Variants in DNER observed in about 807,000 individuals in gnomAD.
The protein encoded by DNER is delta and Notch-like epidermal growth factor-related receptor.
DNER carries 33 observed loss-of-function variants against 78.2 expected under a neutral mutation model. That is an observed-to-expected ratio of 0.42 (90% CI 0.32 to 0.56). The LOEUF (loss-of-function observed/expected upper bound fraction) is 0.56, where lower values mean the gene tolerates loss of function less well. Among genes scored for constraint, DNER ranks in the 20% least tolerant of loss-of-function variants. The probability of loss-of-function intolerance (pLI) is 0.11; values close to 1 mark genes in which losing one functional copy is unlikely to be tolerated. For synonymous variants in DNER, 417 were observed against 384.8 expected (o/e 1.08, Z -0.98); for missense variants, 918 against 975.3 (o/e 0.94, Z 0.78).
chr2:229,563,399 T>C (rs1366446702), intron 4 of DNER, among the ~76,000 whole-genome samples: 1 of 148,688 alleles, frequency 6.7e-6, no homozygotes, highest in East Asian at 2.0e-4. Context: ...ACCATCATCA[T>C]CATCACCCCA....
chr2:229,424,085 C>T (rs1056319286), intron 8 of DNER, among the ~76,000 whole-genome samples: 3 of 152,212 alleles, frequency 2.0e-5, no homozygotes, highest in African/African-American at 4.8e-5. Context: ...TCAATTGATT[C>T]GATGCACTTT....
chr2:229,406,817 T>C (rs912043203), intron 10 of DNER, among the ~76,000 whole-genome samples: 1 of 114,526 alleles, frequency 8.7e-6, no homozygotes, highest in Non-Finnish European at 1.9e-5. Context: ...CACTCTCCCT[T>C]GACACTTTTA....
At chr2:229,572,803 A>G (rs917888442) in intron 4 of DNER, among the ~76,000 whole-genome samples, 1 of 152,216 alleles carries the variant, frequency 6.6e-6, no homozygotes, top group Non-Finnish European at 1.5e-5. Context: ...CCTCAAAAAG[A>G]TGAGTAAACA....
At chr2:229,382,620 T>C (rs1308135412) in intron 11 of DNER, among the ~76,000 whole-genome samples, 1 of 151,884 alleles carries the variant, frequency 6.6e-6, no homozygotes, top group African/African-American at 2.4e-5. Context: ...TTGTGAAGCA[T>C]ACACAAGTAT....
chr2:229,656,985 C>CGTATGTGT (rs1553549164), intron 1 of DNER, among the ~76,000 whole-genome samples: 11 of 148,726 alleles, frequency 7.4e-5, no homozygotes, highest in Non-Finnish European at 1.3e-4. Flanking sequence ...ACAGTTACCA[C>CGTATGTGT]GTGTGTGTGT....
intron 1 of DNER, among the ~76,000 whole-genome samples, chr2:229,641,862 C>T (rs934978516): frequency 2.6e-5 from 4 of 152,022 alleles, no homozygotes; most frequent in Admixed American, 2.6e-4. Context: ...TTCTCAGCTC[C>T]CTCTGGTGGA....
intron 2 of DNER, among the ~76,000 whole-genome samples, chr2:229,590,587 A>G (rs1471243623): frequency 6.6e-6 from 1 of 152,162 alleles, no homozygotes; most frequent in African/African-American, 2.4e-5. Context: ...AGGTGGTTAG[A>G]TCAGCAGGGC....
intron 4 of DNER, among the ~76,000 whole-genome samples, chr2:229,583,331 C>T (rs1382483521): frequency 1.3e-5 from 2 of 152,210 alleles, no homozygotes; most frequent in African/African-American, 4.8e-5. Context: ...TTTAAACGTG[C>T]TCAAAACACT....
intron 1 of DNER, among the ~76,000 whole-genome samples, chr2:229,616,599 A>G (rs1698167813): frequency 6.6e-6 from 1 of 152,204 alleles, no homozygotes; most frequent in African/African-American, 2.4e-5. Flanking sequence ...GAAGAACACT[A>G]ACTGGGGAAT....
At chr2:229,579,532 G>A (rs1190376805) in intron 4 of DNER, among the ~76,000 whole-genome samples, 2 of 152,146 alleles carry the variant, frequency 1.3e-5, no homozygotes, top group African/African-American at 4.8e-5. Context: ...TCCTCCCACA[G>A]GTAGCTTTAA....
intron 7 of DNER, among the ~76,000 whole-genome samples, chr2:229,456,836 G>A (rs1694585634): frequency 6.6e-6 from 1 of 151,772 alleles, no homozygotes; most frequent in African/African-American, 2.4e-5. Flanking sequence ...GAACCCCAGG[G>A]AGAATAAATC....
intron 8 of DNER, among the ~76,000 whole-genome samples, chr2:229,425,569 C>G (rs1396219026): frequency 6.6e-6 from 1 of 152,200 alleles, no homozygotes; most frequent in Non-Finnish European, 1.5e-5. Flanking sequence ...CATGGCCTTT[C>G]ACCATCTTCC....
chr2:229,401,163 A>C (rs1382556275), intron 10 of DNER, among the ~76,000 whole-genome samples: 2 of 152,102 alleles, frequency 1.3e-5, no homozygotes, highest in Non-Finnish European at 2.9e-5. Flanking sequence ...CAAATAAAAA[A>C]TAGTGATAAC....
At chr2:229,483,347 A>T (rs1258096539) in intron 6 of DNER, among the ~76,000 whole-genome samples, 1 of 152,224 alleles carries the variant, frequency 6.6e-6, no homozygotes, top group Non-Finnish European at 1.5e-5. Context: ...AGATGATGAT[A>T]TGAGGACGTA....
intron 1 of DNER, among the ~76,000 whole-genome samples, chr2:229,655,715 G>T (rs765048769): frequency 2.0e-5 from 3 of 152,186 alleles, no homozygotes; most frequent in Admixed American, 6.5e-5. Flanking sequence ...GGAAAAGGGG[G>T]TCTTTGCAGA....
rs563297092 is a variant in DNER, at chr2:229,669,915, C to A, written c.276+44233G>T. Among the ~76,000 whole-genome samples, 4 of 152,272 alleles carry A rather than the reference C, an allele frequency of 2.6e-5. No individual in the cohort carries two copies. In the South Asian group the frequency reaches 8.3e-4, roughly 32 times the overall value. On this transcript the variant is annotated intron_variant, in intron 1 of 12. Coordinates refer to ENST00000341772, the MANE Select transcript of DNER (RefSeq NM_139072.4). ...TTCTTGCTCAATGAGTATGAGAACA[C>A]AGGAATTGTCCATTCCAGAGTGGTT...
chr2:229,577,672 C>T (rs1319805088), intron 4 of DNER, among the ~76,000 whole-genome samples: 1 of 151,922 alleles, frequency 6.6e-6, no homozygotes, highest in Non-Finnish European at 1.5e-5. Flanking sequence ...AGCAGATATG[C>T]CCTGCCTGAG....
chr2:229,649,701 T>C (rs1698777590), intron 1 of DNER, among the ~76,000 whole-genome samples: 3 of 152,176 alleles, frequency 2.0e-5, no homozygotes, highest in South Asian at 2.1e-4. Context: ...TTCCAACACC[T>C]GGGGTCATTA....
chr2:229,505,731 G>A (rs1032791027), intron 6 of DNER, among the ~76,000 whole-genome samples: 6 of 152,124 alleles, frequency 3.9e-5, no homozygotes, highest in African/African-American at 7.2e-5. Flanking sequence ...AATTATACAC[G>A]TTTCAAGAAC....
Sources: allele counts gnomAD v4.1 joint callset (sites outside exome capture counted in the v4.1 genomes callset), GRCh38; gene constraint gnomAD v4.1.1; transcripts MANE v1.5; gene names NCBI Gene and HGNC (gene_info 2026-07-23, HGNC 2026-07-21).